RCAN2: variants seen among roughly 807,000 people sequenced by gnomAD.
RCAN2 encodes calcipressin-2.
In RCAN2, 9 loss-of-function variants were observed where a neutral mutation model predicts 23.6. That is an observed-to-expected ratio of 0.38 (90% CI 0.23 to 0.67). The LOEUF is 0.67. RCAN2 is among the 30% of genes least tolerant of loss of function. RCAN2 has a pLI of 0.51. For synonymous variants in RCAN2, 109 were observed against 115.7 expected (o/e 0.94, Z 0.37); for missense variants, 273 against 302.3 (o/e 0.90, Z 0.72).
intron 2 of RCAN2, among the ~76,000 whole-genome samples, chr6:46,362,360 G>T (rs1765043033): frequency 6.6e-6 from 1 of 151,906 alleles, no homozygotes; most frequent in African/African-American, 2.4e-5. Flanking sequence ...AGATTATAAG[G>T]TAATATGAGG....
At chr6:46,269,755 G>T (rs1416765741) in intron 2 of RCAN2, among the ~76,000 whole-genome samples, 1 of 152,186 alleles carries the variant, frequency 6.6e-6, no homozygotes. Flanking sequence ...CACCTGTGGA[G>T]ACCTGAGGGA....
At chr6:46,388,287 T>TA (rs1296305039) in intron 2 of RCAN2, among the ~76,000 whole-genome samples, 3 of 151,362 alleles carry the variant, frequency 2.0e-5, no homozygotes, top group African/African-American at 7.3e-5. Context: ...AAATAAATTT[T>TA]AAAAAAAAGA....
chr6:46,393,942 C>T (rs183962825), intron 2 of RCAN2, among the ~76,000 whole-genome samples: 26 of 152,204 alleles, frequency 1.7e-4, no homozygotes, highest in South Asian at 1.7e-3. Context: ...TCAACAAATC[C>T]GGCTCGGTTT....
At chr6:46,468,556 G>A (rs553957789) in intron 1 of RCAN2, among the ~76,000 whole-genome samples, 2 of 152,118 alleles carry the variant, frequency 1.3e-5, no homozygotes, top group South Asian at 2.1e-4. Flanking sequence ...CTGTCCTCCC[G>A]TCTGCACATG....
At chr6:46,453,451 C>G (rs1299882768) in intron 2 of RCAN2, among the ~76,000 whole-genome samples, 1 of 152,160 alleles carries the variant, frequency 6.6e-6, no homozygotes, top group African/African-American at 2.4e-5. Flanking sequence ...TCACGGAATT[C>G]TGCCTAACTG....
At chr6:46,375,844 T>A (rs1765444721) in intron 2 of RCAN2, among the ~76,000 whole-genome samples, 1 of 152,260 alleles carries the variant, frequency 6.6e-6, no homozygotes, top group Non-Finnish European at 1.5e-5. Flanking sequence ...TTTCATATGT[T>A]ATTAAATGTA....
At chr6:46,340,895 CTT>C (rs1346792059) in intron 2 of RCAN2, among the ~76,000 whole-genome samples, 1 of 152,134 alleles carries the variant, frequency 6.6e-6, no homozygotes, top group African/African-American at 2.4e-5. Flanking sequence ...GAAAACTTTT[CTT>C]TTAAAGTTAA....
intron 2 of RCAN2, among the ~76,000 whole-genome samples, chr6:46,277,600 T>A (rs966514821): frequency 5.9e-5 from 9 of 151,522 alleles, no homozygotes; most frequent in African/African-American, 1.9e-4. Flanking sequence ...TTTTTTTTTT[T>A]ATAGAAAGTA....
chr6:46,324,738 C>T (rs990908991), intron 2 of RCAN2, among the ~76,000 whole-genome samples: 3 of 152,222 alleles, frequency 2.0e-5, no homozygotes, highest in African/African-American at 7.2e-5. Context: ...CTGCTGCCGG[C>T]AATCAGTGAG....
At chr6:46,419,841 G>C (rs1766824158) in intron 2 of RCAN2, among the ~76,000 whole-genome samples, 1 of 152,046 alleles carries the variant, frequency 6.6e-6, no homozygotes, top group South Asian at 2.1e-4. Flanking sequence ...ATAGTTTGCT[G>C]GTTCATTTAT....
At chr6:46,370,149 C>T (rs1212747916) in intron 2 of RCAN2, among the ~76,000 whole-genome samples, 1 of 152,144 alleles carries the variant, frequency 6.6e-6, no homozygotes, top group Non-Finnish European at 1.5e-5. Flanking sequence ...AGTCTGAATT[C>T]CCTGCCCAGT....
chr6:46,265,086 A>G (rs956832420), intron 2 of RCAN2, among the ~76,000 whole-genome samples: 1 of 152,124 alleles, frequency 6.6e-6, no homozygotes, highest in Non-Finnish European at 1.5e-5. Context: ...TTTTGTCTTC[A>G]TCTAGTTTTT....
At chr6:46,393,877 A>G (rs1766007962) in intron 2 of RCAN2, among the ~76,000 whole-genome samples, 1 of 152,140 alleles carries the variant, frequency 6.6e-6, no homozygotes, top group Admixed American at 6.5e-5. Flanking sequence ...CACTGCCAAT[A>G]TGACCAACAC....
chr6:46,273,851 G>T (rs1275250846), intron 2 of RCAN2, among the ~76,000 whole-genome samples: 1 of 151,874 alleles, frequency 6.6e-6, no homozygotes, highest in African/African-American at 2.4e-5. Context: ...CTGTAAGAGT[G>T]TGGCAGATTC....
chr6:46,319,481 A>C (rs1466696842), intron 2 of RCAN2, among the ~76,000 whole-genome samples: 2 of 152,210 alleles, frequency 1.3e-5, no homozygotes, highest in Non-Finnish European at 2.9e-5. Context: ...CAACAGTTAA[A>C]AGATTCTTTA....
At chr6:46,288,899 C>T (rs1449170733) in intron 2 of RCAN2, among the ~76,000 whole-genome samples, 1 of 152,252 alleles carries the variant, frequency 6.6e-6, no homozygotes, top group Non-Finnish European at 1.5e-5. Context: ...AGGGAGCAAA[C>T]TCAATAAATA....
chr6:46,295,125 T>C lies in RCAN2; in HGVS notation c.226-46229A>G, dbSNP rs146548440. On this transcript the variant is annotated intron_variant, in intron 2 of 4. Coordinates refer to ENST00000371374, the MANE Select transcript of RCAN2 (RefSeq NM_001251974.2). ...GAGGAGTGGGGTGACTTGCAAATTC[T>C]TGGTGGATCTTGGGGGAGAAGTTGA... is the stretch of plus-strand genomic sequence containing the variant. 4.9e-3 allele frequency among the ~76,000 whole-genome samples: 741 copies of C among 152,198 alleles called. 4 individuals carry two copies. The highest frequency in any genetic ancestry group is 0.017 in the African/African-American group (720 of 41,538).
At chr6:46,432,446 C>T (rs1327573930) in intron 2 of RCAN2, among the ~76,000 whole-genome samples, 3 of 152,126 alleles carry the variant, frequency 2.0e-5, no homozygotes, top group Non-Finnish European at 4.4e-5. Context: ...CTCCTGATCT[C>T]AGGTGATTTG....
chr6:46,293,804 C>T (rs1451582515), intron 2 of RCAN2, among the ~76,000 whole-genome samples: 6 of 152,128 alleles, frequency 3.9e-5, no homozygotes, highest in Non-Finnish European at 7.4e-5. Context: ...GTAGCTTCCT[C>T]ACAAGGGAGG....
Sources: allele counts gnomAD v4.1 joint callset (sites outside exome capture counted in the v4.1 genomes callset), GRCh38; gene constraint gnomAD v4.1.1; transcripts MANE v1.5; gene names NCBI Gene and HGNC (gene_info 2026-07-23, HGNC 2026-07-21).